Variants in SHOC2 observed in about 807,000 individuals in gnomAD.
SHOC2 encodes SHOC2 leucine rich repeat scaffold protein.
A neutral mutation model predicts 50.2 loss-of-function variants in SHOC2; 4 were observed. The ratio of observed to expected loss-of-function variants is 0.08; its 90% CI spans 0.04 to 0.18. The LOEUF is 0.18. Ranked by LOEUF, SHOC2 falls within the 10% of genes least tolerant of loss-of-function variation. SHOC2 has a pLI of 1.00. For missense variants in SHOC2, 388 were observed against 669.6 expected (o/e 0.58, Z 4.64); for synonymous variants, 218 against 244.5 (o/e 0.89, Z 1.01).
intron 1 of SHOC2, among the ~76,000 whole-genome samples, chr10:110,938,676 C>T (rs1229470603): frequency 6.6e-6 from 1 of 152,118 alleles, no homozygotes; most frequent in Non-Finnish European, 1.5e-5. Context: ...ATAATTTCTA[C>T]TTAAAGGAAG....
intron 2 of SHOC2, among the ~76,000 whole-genome samples, chr10:110,972,906 A>G (rs1847809714): frequency 6.6e-6 from 1 of 152,174 alleles, no homozygotes; most frequent in Admixed American, 6.5e-5. Context: ...ATCAAAGGAG[A>G]CAGTTTACTT....
chr10:111,011,577 T>C, intron 8 of SHOC2, 33 bp from the exon 9 acceptor site: 1 of 1,548,492 alleles, frequency 6.5e-7, no homozygotes, highest in Non-Finnish European at 8.9e-7. Context: ...AGCAACTAAT[T>C]TTTAAAAAAA....
intron 1 of SHOC2, among the ~76,000 whole-genome samples, chr10:110,956,326 G>A (rs536727104): frequency 3.9e-5 from 6 of 152,090 alleles, no homozygotes; most frequent in African/African-American, 1.4e-4. Flanking sequence ...TGATTCTCCT[G>A]CTCAGTCTCC....
intron 1 of SHOC2, among the ~76,000 whole-genome samples, chr10:110,957,404 C>T (rs565741598): frequency 2.6e-5 from 4 of 152,020 alleles, no homozygotes; most frequent in Non-Finnish European, 2.9e-5. Context: ...TTTTAATGCT[C>T]GTCTGTTATA....
At chr10:110,949,291 A>G (rs1397243603) in intron 1 of SHOC2, among the ~76,000 whole-genome samples, 1 of 152,012 alleles carries the variant, frequency 6.6e-6, no homozygotes, top group Non-Finnish European at 1.5e-5. Context: ...TACAAATGAG[A>G]TAATAAGAGA....
chr10:110,949,039 A>G (rs538400319), intron 1 of SHOC2, among the ~76,000 whole-genome samples: 26 of 152,282 alleles, frequency 1.7e-4, no homozygotes, highest in African/African-American at 6.0e-4. Flanking sequence ...AAGCCAAAAG[A>G]TTGGAAACCT....
chr10:110,945,130 A>G (rs1290918356), intron 1 of SHOC2, among the ~76,000 whole-genome samples: 1 of 152,118 alleles, frequency 6.6e-6, no homozygotes, highest in Non-Finnish European at 1.5e-5. Flanking sequence ...ACTGTTATTC[A>G]CTGCCTCAAG....
At chr10:110,971,899 A>G (rs1428888485) in intron 2 of SHOC2, among the ~76,000 whole-genome samples, 2 of 151,932 alleles carry the variant, frequency 1.3e-5, no homozygotes, top group South Asian at 2.1e-4. Context: ...TGTACATATA[A>G]CTGACACATA....
intron 3 of SHOC2, among the ~76,000 whole-genome samples, chr10:110,997,569 A>C (rs1229074752): frequency 6.6e-6 from 1 of 152,090 alleles, no homozygotes; most frequent in Non-Finnish European, 1.5e-5. Flanking sequence ...AAAGTCTTTC[A>C]CATCTTAAAA....
At chr10:110,942,713 A>G (rs961291840) in intron 1 of SHOC2, among the ~76,000 whole-genome samples, 26 of 152,138 alleles carry the variant, frequency 1.7e-4, no homozygotes, top group Admixed American at 3.9e-4. Flanking sequence ...GTGTCCTTCC[A>G]TTTCAACCCA....
chr10:110,956,219 T>A (rs1236236631), intron 1 of SHOC2, among the ~76,000 whole-genome samples: 1 of 151,954 alleles, frequency 6.6e-6, no homozygotes, highest in Admixed American at 6.6e-5. Context: ...GGAGTTTCGC[T>A]CTTGTCACCC....
rs1847045829 is a variant in SHOC2, at chr10:110,937,305, C to T, written c.-235+17648C>T. The T allele has an allele frequency of 4.3e-6, 3 of 697,624 alleles. No homozygotes were observed. The East Asian group carries it at 8.0e-5, about 19-fold the overall frequency. The allele number at this position is 697,624 out of a possible 1,614,324, so 43.2% of individuals were successfully genotyped here. On this transcript the variant is annotated intron_variant, in intron 1 of 8. Coordinates refer to ENST00000369452, the MANE Select transcript of SHOC2 (RefSeq NM_007373.4). Reference sequence around the variant, plus strand: ...TCCTGACTCTGTGTTTCAGTGATGCCAAATGAGGTCTGTGAAAGCTTCAAA... The same window carrying T: ...TCCTGACTCTGTGTTTCAGTGATGCTAAATGAGGTCTGTGAAAGCTTCAAA...
chr10:110,996,889 A>T (rs150601980), intron 3 of SHOC2, among the ~76,000 whole-genome samples: 290 of 152,324 alleles, frequency 1.9e-3, no homozygotes, highest in African/African-American at 6.8e-3. Context: ...AATCATGATG[A>T]TAGAGGTATT....
intron 2 of SHOC2, among the ~76,000 whole-genome samples, chr10:110,980,696 G>A (rs1380296751): frequency 2.0e-5 from 3 of 151,838 alleles, no homozygotes; most frequent in Admixed American, 6.6e-5. Flanking sequence ...GATTCCTTAG[G>A]TTGATATTTA....
At chr10:110,970,514 T>G (rs1847758855) in intron 2 of SHOC2, among the ~76,000 whole-genome samples, 2 of 152,188 alleles carry the variant, frequency 1.3e-5, no homozygotes, top group Non-Finnish European at 2.9e-5. Context: ...GGTATCTCTT[T>G]GATATGCTGA....
intron 3 of SHOC2, among the ~76,000 whole-genome samples, chr10:110,998,218 C>T (rs12247996): frequency 0.22 from 33,972 of 151,848 alleles, 6,381 homozygotes; most frequent in East Asian, 0.54. Context: ...AGACTGGTCT[C>T]GAACTCCTGA....
intron 1 of SHOC2, among the ~76,000 whole-genome samples, chr10:110,927,093 T>C (rs1213454612): frequency 6.6e-6 from 1 of 152,210 alleles, no homozygotes; most frequent in African/African-American, 2.4e-5. Flanking sequence ...TCTTCAACTT[T>C]TATTCTGTTA....
chr10:110,990,780 C>T (rs1416266483), intron 3 of SHOC2, among the ~76,000 whole-genome samples: 1 of 151,746 alleles, frequency 6.6e-6, no homozygotes, highest in African/African-American at 2.4e-5. Flanking sequence ...CAAAAAAAAA[C>T]ACAACAAAAT....
Position 111,009,288 on chromosome 10 carries a change from A to T in SHOC2, c.1325A>T (p.His442Leu). ...LSNNLLKKLP[H>L]GLGNLRKLRE... ...AACAATCTTCTAAAGAAGCTTCCCC[A>T]TGGTCTTGGAAACCTTAGGAAGTTA... The change falls in exon 7 of 9, where the codon CAT (histidine) becomes CTT (leucine). Residue 442 changes from histidine to leucine, a missense_variant. This residue lies in a region of SHOC2 where 130 missense variants were observed against 208.6 expected (regional missense o/e 0.62). Transcript: ENST00000369452. 1 of 1,587,990 alleles carries T rather than the reference A, an allele frequency of 6.3e-7. No individual in the cohort carries two copies. The highest frequency in any genetic ancestry group is 8.6e-7 in the Non-Finnish European group (1 of 1,156,770).
Sources: allele counts gnomAD v4.1 joint callset (sites outside exome capture counted in the v4.1 genomes callset), GRCh38; gene constraint gnomAD v4.1.1; regional missense constraint gnomAD v4.1.1; transcripts MANE v1.5; gene names NCBI Gene and HGNC (gene_info 2026-07-23, HGNC 2026-07-21).